The following ANO10 variants were observed in gnomAD, a reference collection of about 807,000 sequenced individuals.
ANO10 encodes the protein anoctamin-10.
Under a neutral mutation model 74.7 loss-of-function variants are expected in ANO10, and 77 were observed. The ratio of observed to expected loss-of-function variants is 1.03; its 90% CI spans 0.86 to 1.25. ANO10 has a LOEUF of 1.25. Among genes scored for constraint, ANO10 ranks in the 50% most tolerant of loss-of-function variants. The pLI is 0.00. For missense variants in ANO10, 721 were observed against 778.1 expected (o/e 0.93, Z 0.87); for synonymous variants, 279 against 284.9 (o/e 0.98, Z 0.21).
At chr3:43,466,179 C>T (rs566645132) in intron 11 of ANO10, among the ~76,000 whole-genome samples, 21 of 151,540 alleles carry the variant, frequency 1.4e-4, no homozygotes, top group Non-Finnish European at 2.1e-4. Flanking sequence ...AAGACCATCC[C>T]GGCCAACATG....
At chr3:43,491,492 G>A (rs2076722291) in intron 11 of ANO10, among the ~76,000 whole-genome samples, 2 of 151,978 alleles carry the variant, frequency 1.3e-5, no homozygotes, top group South Asian at 2.1e-4. Context: ...CCAGCCTGGG[G>A]GATAGAGTAA....
At chr3:43,374,106 G>A (rs1255154474) in intron 12 of ANO10, among the ~76,000 whole-genome samples, 1 of 152,196 alleles carries the variant, frequency 6.6e-6, no homozygotes, top group East Asian at 1.9e-4. Context: ...TCCAGGCTGT[G>A]GGGCTCAGGT....
At chr3:43,423,388 T>C (rs904686797) in intron 12 of ANO10, among the ~76,000 whole-genome samples, 7 of 152,370 alleles carry the variant, frequency 4.6e-5, no homozygotes, top group East Asian at 1.9e-4. Context: ...TCAGAGTCTA[T>C]TGGGCGCCAG....
intron 1 of ANO10, among the ~76,000 whole-genome samples, chr3:43,677,149 A>C (rs1395513845): frequency 6.6e-6 from 1 of 152,202 alleles, no homozygotes; most frequent in Non-Finnish European, 1.5e-5. Flanking sequence ...ATGGAATACT[A>C]TGCAGCCCCA....
chr3:43,600,677 A>G lies in ANO10; in HGVS notation c.140-96T>C, dbSNP rs1425796931. On this transcript the variant is annotated intron_variant, in intron 2 of 12. Transcript: ENST00000292246. Reference sequence around the variant, plus strand: ...AATATAATGTTTCTAGTCTGGTAGAAGAAAAAGAAATTATATTAGCAATTT... The same window carrying G: ...AATATAATGTTTCTAGTCTGGTAGAGGAAAAAGAAATTATATTAGCAATTT... 2.2e-5 allele frequency: 24 copies of G among 1,068,074 alleles called. No individual in the cohort carries two copies. The Admixed American group carries it at 5.5e-4, about 24-fold the overall frequency. The allele number at this position is 1,068,074 out of a possible 1,614,324, so 66.2% of individuals were successfully genotyped here.
chr3:43,540,925 T>A (rs186041557), intron 11 of ANO10, among the ~76,000 whole-genome samples: 120 of 152,330 alleles, frequency 7.9e-4, no homozygotes, highest in African/African-American at 2.8e-3. Flanking sequence ...AGCATTTGAT[T>A]TGACTAATTA....
intron 1 of ANO10, among the ~76,000 whole-genome samples, chr3:43,677,795 A>C (rs1368853621): frequency 6.6e-6 from 1 of 152,196 alleles, no homozygotes; most frequent in African/African-American, 2.4e-5. Context: ...GACTTTTGCC[A>C]TAGTATTTGA....
At chr3:43,546,040 CAGCTTG>C (rs994027323) in intron 11 of ANO10, among the ~76,000 whole-genome samples, 1 of 152,184 alleles carries the variant, frequency 6.6e-6, no homozygotes, top group African/African-American at 2.4e-5. Flanking sequence ...CTATTTTAAA[CAGCTTG>C]AGCTTGGTTT....
chr3:43,433,429 G>A (rs2093021247), intron 11 of ANO10, among the ~76,000 whole-genome samples: 1 of 152,142 alleles, frequency 6.6e-6, no homozygotes, highest in Non-Finnish European at 1.5e-5. Context: ...CTGCACTTCA[G>A]TTTGAGTTAC....
At chr3:43,528,353 T>C (rs2078302825) in intron 11 of ANO10, among the ~76,000 whole-genome samples, 1 of 151,918 alleles carries the variant, frequency 6.6e-6, no homozygotes, top group Admixed American at 6.6e-5. Context: ...ATGAAAGTTA[T>C]AACTCAATAA....
chr3:43,545,338 CATGTTAATTGACCCA>C (rs1384417044), intron 11 of ANO10, among the ~76,000 whole-genome samples: 5 of 151,780 alleles, frequency 3.3e-5, no homozygotes, highest in Non-Finnish European at 7.4e-5. Context: ...TAAACAGAAA[CATGTTAATTGACCCA>C]ATGATGGTTT....
intron 12 of ANO10, among the ~76,000 whole-genome samples, chr3:43,407,997 G>A (rs1036124136): frequency 6.6e-6 from 1 of 152,142 alleles, no homozygotes; most frequent in Non-Finnish European, 1.5e-5. Flanking sequence ...TTTGTATTTG[G>A]GATAGCAAGC....
chr3:43,486,061 A>C (rs567939350), intron 11 of ANO10, among the ~76,000 whole-genome samples: 1 of 152,350 alleles, frequency 6.6e-6, no homozygotes, highest in South Asian at 2.1e-4. Flanking sequence ...TTGTTGGGCA[A>C]ATTTGCATCT....
intron 12 of ANO10, among the ~76,000 whole-genome samples, chr3:43,423,451 C>T (rs577933947): frequency 4.6e-5 from 7 of 152,298 alleles, no homozygotes; most frequent in South Asian, 4.1e-4. Flanking sequence ...ACCTGGCCCT[C>T]GGGGACCTCG....
chr3:43,626,910 G>A (rs992743812), upstream of ANO10, among the ~76,000 whole-genome samples: 1 of 149,928 alleles, frequency 6.7e-6, no homozygotes, highest in Non-Finnish European at 1.5e-5. Context: ...AATCAGAAAA[G>A]TCAACCCACC....
intron 1 of ANO10, among the ~76,000 whole-genome samples, chr3:43,656,648 C>A (rs976711412): frequency 6.6e-6 from 1 of 152,230 alleles, no homozygotes; most frequent in Non-Finnish European, 1.5e-5. Flanking sequence ...ACCCAGTACA[C>A]CCTCCGCAGC....
chr3:43,453,826 G>A (rs760678865), intron 11 of ANO10, among the ~76,000 whole-genome samples: 1 of 151,892 alleles, frequency 6.6e-6, no homozygotes, highest in Non-Finnish European at 1.5e-5. Context: ...TCCTTATGCC[G>A]GTATTACATA....
intron 1 of ANO10, among the ~76,000 whole-genome samples, chr3:43,660,082 C>T (rs1476625925): frequency 6.6e-6 from 1 of 152,124 alleles, no homozygotes; most frequent in Non-Finnish European, 1.5e-5. Context: ...CACCAAAACC[C>T]CATCTGTAGG....
At chr3:43,574,216 A>G (rs1329226025) in intron 7 of ANO10, among the ~76,000 whole-genome samples, 5 of 150,964 alleles carry the variant, frequency 3.3e-5, no homozygotes, top group Non-Finnish European at 7.4e-5. Flanking sequence ...CAAGCTTCCC[A>G]AAGTGCTGGG....
Sources: gnomAD v4.1 joint callset for allele counts (sites outside exome capture counted in the v4.1 genomes callset) on GRCh38, gnomAD v4.1.1 for gene constraint, MANE v1.5 for transcripts, NCBI Gene and HGNC (gene_info 2026-07-23, HGNC 2026-07-21) for gene names.